PALM2AKAP2: variants seen among roughly 807,000 people sequenced by gnomAD.
PALM2AKAP2 encodes the protein PALM2 and AKAP2 fusion.
A neutral mutation model predicts 71.5 loss-of-function variants in PALM2AKAP2; 37 were observed. The ratio of observed to expected loss-of-function variants is 0.52; its 90% CI spans 0.40 to 0.68. The LOEUF is 0.68. Ranked by LOEUF, PALM2AKAP2 falls within the 30% of genes least tolerant of loss-of-function variation. PALM2AKAP2 has a pLI of 0.00. For missense variants in PALM2AKAP2, 1,224 were observed against 1,191.8 expected (o/e 1.03, Z -0.40); for synonymous variants, 468 against 478.8 (o/e 0.98, Z 0.29).
At chr9:109,813,329 C>T (rs1466017766) in intron 1 of PALM2AKAP2, among the ~76,000 whole-genome samples, 1 of 152,170 alleles carries the variant, frequency 6.6e-6, no homozygotes, top group African/African-American at 2.4e-5. Flanking sequence ...AATTGGGACT[C>T]ATTTAATTCA....
intron 1 of PALM2AKAP2, among the ~76,000 whole-genome samples, chr9:109,818,204 CTTT>C (rs752974510): frequency 2.1e-4 from 32 of 152,078 alleles, no homozygotes; most frequent in Non-Finnish European, 4.3e-4. Context: ...ATAAATAAGC[CTTT>C]CGAAAAATGT....
At chr9:110,111,086 CTTTTTTTTT>C (rs34958946) in intron 1 of PALM2AKAP2, among the ~76,000 whole-genome samples, 43 of 84,190 alleles carry the variant, frequency 5.1e-4, no homozygotes, top group African/African-American at 2.0e-3. Flanking sequence ...TTTCTTTCTT[CTTTTTTTTT>C]TTTTTTTTTT....
At chr9:109,728,630 C>T (rs1828509920) in intron 1 of PALM2AKAP2, among the ~76,000 whole-genome samples, 1 of 152,150 alleles carries the variant, frequency 6.6e-6, no homozygotes, top group Non-Finnish European at 1.5e-5. Flanking sequence ...GAGAATTTTA[C>T]TTGATCTAAA....
chr9:109,920,876 T>C (rs1830814524), intron 3 of PALM2AKAP2, among the ~76,000 whole-genome samples: 1 of 152,136 alleles, frequency 6.6e-6, no homozygotes, highest in African/African-American at 2.4e-5. Flanking sequence ...ACAGGGAACC[T>C]CTAGTCCAGA....
intron 1 of PALM2AKAP2, among the ~76,000 whole-genome samples, chr9:109,790,455 A>G (rs1318748131): frequency 6.6e-6 from 1 of 152,192 alleles, no homozygotes; most frequent in African/African-American, 2.4e-5. Context: ...TTAAGAGAAA[A>G]ACATGCTTGA....
intron 1 of PALM2AKAP2, among the ~76,000 whole-genome samples, chr9:109,677,708 G>C (rs1038678151): frequency 1.3e-5 from 2 of 152,116 alleles, no homozygotes; most frequent in South Asian, 4.2e-4. Flanking sequence ...ACCAAGAATG[G>C]GGTTGACTTG....
intron 1 of PALM2AKAP2, among the ~76,000 whole-genome samples, chr9:109,794,878 T>C (rs1387306745): frequency 2.0e-5 from 3 of 152,252 alleles, no homozygotes; most frequent in African/African-American, 4.8e-5. Flanking sequence ...GCTGCAGTAC[T>C]TGCGTCGGCC....
intron 5 of PALM2AKAP2, among the ~76,000 whole-genome samples, chr9:109,930,050 A>G (rs1023422236): frequency 3.3e-5 from 5 of 151,734 alleles, no homozygotes; most frequent in African/African-American, 9.7e-5. Context: ...CAAAGGCTCA[A>G]TTTCCTTCCT....
At chr9:110,105,098 TC>T (rs1835084877) in intron 1 of PALM2AKAP2, among the ~76,000 whole-genome samples, 1 of 152,228 alleles carries the variant, frequency 6.6e-6, no homozygotes, top group South Asian at 2.1e-4. Flanking sequence ...AGAACCCCTT[TC>T]TAGACTGTTA....
intron 1 of PALM2AKAP2, among the ~76,000 whole-genome samples, chr9:110,125,747 G>A (rs1835589835): frequency 6.6e-6 from 1 of 151,608 alleles, no homozygotes; most frequent in Non-Finnish European, 1.5e-5. Flanking sequence ...GTAGGCAGCC[G>A]AGCTCAGACT....
intron 7 of PALM2AKAP2, among the ~76,000 whole-genome samples, chr9:110,018,771 C>G (rs1485643181): frequency 6.6e-6 from 1 of 152,204 alleles, no homozygotes; most frequent in African/African-American, 2.4e-5. Context: ...TTGTTTCTAT[C>G]TTCTCCTTTA....
At chr9:109,959,502 A>G (rs554090776) in intron 6 of PALM2AKAP2, among the ~76,000 whole-genome samples, 70 of 152,090 alleles carry the variant, frequency 4.6e-4, no homozygotes, top group Non-Finnish European at 8.5e-4. Flanking sequence ...AAAACTAGCC[A>G]GGCATGGTGG....
At chr9:110,012,821 A>C (rs997453158) in intron 6 of PALM2AKAP2, among the ~76,000 whole-genome samples, 5 of 152,222 alleles carry the variant, frequency 3.3e-5, no homozygotes, top group African/African-American at 7.2e-5. Flanking sequence ...GTATAATAGC[A>C]GAGAAAAAAT....
chr9:109,809,073 C>A (rs963470467), intron 1 of PALM2AKAP2, among the ~76,000 whole-genome samples: 6 of 152,216 alleles, frequency 3.9e-5, no homozygotes, highest in African/African-American at 9.6e-5. Context: ...TCATGGAGAA[C>A]CTCTGCTAGG....
At chr9:110,136,041 C>G in intron 1 of PALM2AKAP2, 86 bp from the exon 8 acceptor site, 1 of 1,456,970 alleles carries the variant, frequency 6.9e-7, no homozygotes, top group South Asian at 1.6e-5. Context: ...ATTTTCCTTC[C>G]TCTTAATTAT....
chr9:109,695,740 G>T (rs1344471243), intron 1 of PALM2AKAP2, among the ~76,000 whole-genome samples: 1 of 152,106 alleles, frequency 6.6e-6, no homozygotes, highest in African/African-American at 2.4e-5. Context: ...GCATAGAACT[G>T]GAGGTCATTA....
intron 1 of PALM2AKAP2, among the ~76,000 whole-genome samples, chr9:109,678,719 A>G (rs534855104): frequency 3.9e-5 from 6 of 152,258 alleles, no homozygotes; most frequent in African/African-American, 1.2e-4. Context: ...GTTAGTCCCA[A>G]TGTTATAGTG....
At chr9:109,993,767 C>G (rs1832525032) in intron 6 of PALM2AKAP2, among the ~76,000 whole-genome samples, 2 of 150,692 alleles carry the variant, frequency 1.3e-5, no homozygotes, top group African/African-American at 4.9e-5. Flanking sequence ...TCTCTCCTTT[C>G]CTCTCTCTCT....
intron 2 of PALM2AKAP2, among the ~76,000 whole-genome samples, chr9:110,151,388 G>A (rs1836311500): frequency 6.6e-6 from 1 of 152,094 alleles, no homozygotes. Flanking sequence ...TATGAAGTGA[G>A]GTTTTCTGGT....
Sources: gnomAD v4.1 joint callset for allele counts (sites outside exome capture counted in the v4.1 genomes callset) on GRCh38, gnomAD v4.1.1 for gene constraint, MANE v1.5 for transcripts, NCBI Gene and HGNC (gene_info 2026-07-23, HGNC 2026-07-21) for gene names.